The following SGCD variants were observed in gnomAD, a reference collection of about 807,000 sequenced individuals.
SGCD encodes sarcoglycan delta.
SGCD carries 18 observed loss-of-function variants against 36.6 expected under a neutral mutation model. The observed-to-expected ratio is 0.49, with a 90% CI of 0.34 to 0.73. The LOEUF is 0.73. Ranked by LOEUF, SGCD falls within the 30% of genes least tolerant of loss-of-function variation. The probability of loss-of-function intolerance (pLI) is 0.01; values close to 1 mark genes in which losing one functional copy is unlikely to be tolerated. For missense variants in SGCD, 387 were observed against 346.7 expected (o/e 1.12, Z -0.92); for synonymous variants, 133 against 130.6 (o/e 1.02, Z -0.12).
chr5:155,741,380 G>C, the SGCD span, among the ~76,000 whole-genome samples: 75 of 152,160 alleles, frequency 4.9e-4, no homozygotes, highest in African/African-American at 1.8e-3. Context: ...ATTTTTCCCT[G>C]TAAGAGAGAG....
intron 3 of SGCD, among the ~76,000 whole-genome samples, chr5:156,366,395 A>G (rs1319154335): frequency 6.6e-6 from 1 of 152,216 alleles, no homozygotes; most frequent in East Asian, 1.9e-4. Context: ...CAGATCAGGC[A>G]TAGATAGAAA....
rs992987791 is a variant in SGCD at position 156,747,467 on chromosome 5, G to A, written c.576-10114G>A. 5.3e-5 allele frequency among the ~76,000 whole-genome samples: 8 copies of A among 152,106 alleles called. No homozygotes were observed. The South Asian group carries it at 1.7e-3, about 32-fold the overall frequency. ...CTTACCAAACGCTGGACTAGGGGAG[G>A]GTCCATTTCCAAAAACACTCTAGTG... On this transcript the variant is annotated intron_variant, in intron 7 of 8. Transcript: ENST00000337851.
At chr5:156,019,060 T>G (rs1275675155) in intron 1 of SGCD, among the ~76,000 whole-genome samples, 1 of 152,202 alleles carries the variant, frequency 6.6e-6, no homozygotes, top group Non-Finnish European at 1.5e-5. Flanking sequence ...AACTATATAT[T>G]AATCTATCAT....
intron 1 of SGCD, among the ~76,000 whole-genome samples, chr5:156,071,869 C>G (rs1260914605): frequency 6.6e-6 from 1 of 152,134 alleles, no homozygotes; most frequent in Non-Finnish European, 1.5e-5. Context: ...GAATTGATCC[C>G]TTTACCATTA....
At position 156,502,250 on chromosome 5, in the gene SGCD, G is replaced by A. The variant is rs186386113; in HGVS notation, c.193-6351G>A. Among the ~76,000 whole-genome samples, 1,454 of 152,082 alleles carry A rather than the reference G, an allele frequency of 9.6e-3. 18 individuals carry two copies. Among genetic ancestry groups the A allele is most frequent in the Admixed American group, 0.018 (275 of 15,284 alleles). On this transcript the variant is annotated intron_variant, in intron 3 of 8. Coordinates refer to ENST00000337851, the MANE Select transcript of SGCD (RefSeq NM_000337.6). ...TTTAGTAGAGACAGGGTTTCACCAT[G>A]TTAGCCAGGATGGTCTCGATCTCCT...
At chr5:156,074,006 A>T (rs559867566) in intron 1 of SGCD, among the ~76,000 whole-genome samples, 1 of 152,360 alleles carries the variant, frequency 6.6e-6, no homozygotes, top group South Asian at 2.1e-4. Flanking sequence ...CAAGTAAATG[A>T]GTAGAAGTAG....
intron 3 of SGCD, among the ~76,000 whole-genome samples, chr5:156,423,941 A>G (rs1773548795): frequency 6.6e-6 from 1 of 152,010 alleles, no homozygotes; most frequent in African/African-American, 2.4e-5. Flanking sequence ...CATCATGGTC[A>G]TATTATAGTT....
chr5:155,914,090 C>G (rs1001485043), intron 1 of SGCD, among the ~76,000 whole-genome samples: 2 of 152,156 alleles, frequency 1.3e-5, no homozygotes, highest in African/African-American at 4.8e-5. Context: ...AAGCAACTTG[C>G]CCAAATTTGG....
chr5:156,280,607 A>T (rs945507927), intron 3 of SGCD, among the ~76,000 whole-genome samples: 3 of 152,186 alleles, frequency 2.0e-5, no homozygotes, highest in African/African-American at 7.2e-5. Flanking sequence ...AAGAAGAAAC[A>T]GTTTTAATGC....
At chr5:156,729,775 T>A (rs1305757634) in intron 7 of SGCD, among the ~76,000 whole-genome samples, 1 of 152,110 alleles carries the variant, frequency 6.6e-6, no homozygotes, top group Non-Finnish European at 1.5e-5. Flanking sequence ...ACTTCTAACA[T>A]CCCATGTCCC....
chr5:155,963,490 G>A (rs763779548), intron 1 of SGCD, among the ~76,000 whole-genome samples: 4 of 151,980 alleles, frequency 2.6e-5, no homozygotes, highest in African/African-American at 4.8e-5. Context: ...CCTACAAATC[G>A]ATCTAGAACA....
chr5:156,182,555 C>T (rs770633091), intron 3 of SGCD, among the ~76,000 whole-genome samples: 4 of 152,150 alleles, frequency 2.6e-5, no homozygotes, highest in African/African-American at 4.8e-5. Context: ...TGAGATCGTG[C>T]AGCTGCACTC....
intron 7 of SGCD, among the ~76,000 whole-genome samples, chr5:156,706,351 C>T (rs756807913): frequency 2.2e-4 from 33 of 152,116 alleles, no homozygotes; most frequent in Non-Finnish European, 4.1e-4. Context: ...TGTCATTCTC[C>T]ACATACACTG....
At chr5:156,745,038 C>T (rs760025105) in intron 7 of SGCD, among the ~76,000 whole-genome samples, 1 of 152,120 alleles carries the variant, frequency 6.6e-6, no homozygotes, top group Non-Finnish European at 1.5e-5. Context: ...ATAGATTTTG[C>T]TAACCTAGAT....
intron 4 of SGCD, among the ~76,000 whole-genome samples, chr5:156,575,821 T>A (rs537602960): frequency 5.3e-5 from 8 of 152,122 alleles, no homozygotes; most frequent in African/African-American, 1.9e-4. Context: ...TATGTTGACA[T>A]AGGACTTCTC....
chr5:156,232,809 A>G (rs1021533483), intron 3 of SGCD, among the ~76,000 whole-genome samples: 2 of 152,196 alleles, frequency 1.3e-5, no homozygotes, highest in East Asian at 3.8e-4. Flanking sequence ...TTATTGAGTA[A>G]TATAGTCTAG....
At chr5:156,572,815 G>A (rs1414669713) in intron 4 of SGCD, among the ~76,000 whole-genome samples, 1 of 152,080 alleles carries the variant, frequency 6.6e-6, no homozygotes, top group African/African-American at 2.4e-5. Context: ...GTAGACATTA[G>A]CTAGTTAAGT....
intron 1 of SGCD, among the ~76,000 whole-genome samples, chr5:155,956,363 A>C (rs1440544506): frequency 1.3e-5 from 2 of 152,130 alleles, no homozygotes; most frequent in South Asian, 4.1e-4. Flanking sequence ...GTTTTAAAAA[A>C]TCAGAATAGA....
At chr5:156,303,141 T>G (rs1332076337) in intron 3 of SGCD, among the ~76,000 whole-genome samples, 1 of 152,192 alleles carries the variant, frequency 6.6e-6, no homozygotes, top group African/African-American at 2.4e-5. Context: ...ATTTTAGGAA[T>G]CTACTTGGTG....
Sources: allele counts gnomAD v4.1 joint callset (sites outside exome capture counted in the v4.1 genomes callset), GRCh38; gene constraint gnomAD v4.1.1; transcripts MANE v1.5; gene names NCBI Gene and HGNC (gene_info 2026-07-23, HGNC 2026-07-21).